Variants in HIVEP3 observed in about 807,000 individuals in gnomAD.
The protein encoded by HIVEP3 is HIVEP zinc finger 3.
A neutral mutation model predicts 152.8 loss-of-function variants in HIVEP3; 49 were observed. That is an observed-to-expected ratio of 0.32 (90% CI 0.26 to 0.41). The LOEUF (loss-of-function observed/expected upper bound fraction) is 0.41, where lower values mean the gene tolerates loss of function less well. HIVEP3 is among the 10% of genes least tolerant of loss of function. The pLI is 1.00. For synonymous variants in HIVEP3, 1,269 were observed against 1,289.0 expected (o/e 0.98, Z 0.33); for missense variants, 2,790 against 3,103.3 (o/e 0.90, Z 2.40).
intron 2 of HIVEP3, among the ~76,000 whole-genome samples, chr1:41,663,151 G>A (rs1463417302): frequency 6.6e-6 from 1 of 152,248 alleles, no homozygotes; most frequent in Non-Finnish European, 1.5e-5. Flanking sequence ...AGGTCTGCGG[G>A]AAGGCCAGGA....
chr1:41,684,139 G>A (rs553174021), intron 2 of HIVEP3, among the ~76,000 whole-genome samples: 1 of 152,340 alleles, frequency 6.6e-6, no homozygotes, highest in South Asian at 2.1e-4. Flanking sequence ...GGTCATGAGG[G>A]GAGGTGGGGA....
intron 1 of HIVEP3, among the ~76,000 whole-genome samples, chr1:41,701,482 G>A (rs1296909150): frequency 6.6e-6 from 1 of 152,224 alleles, no homozygotes; most frequent in East Asian, 1.9e-4. Flanking sequence ...TAAGAAAGGC[G>A]TGTGTAGACC....
intron 5 of HIVEP3, among the ~76,000 whole-genome samples, chr1:41,529,872 C>CACTCCCACTGATGCAT (rs1351411212): frequency 1.4e-5 from 2 of 144,488 alleles, no homozygotes; most frequent in African/African-American, 5.2e-5. Flanking sequence ...TACATCCTCA[C>CACTCCCACTGATGCAT]ACTCCCACTG....
At chr1:41,984,009 T>C (rs552194205) in intron 1 of HIVEP3, among the ~76,000 whole-genome samples, 1 of 152,358 alleles carries the variant, frequency 6.6e-6, no homozygotes, top group South Asian at 2.1e-4. Flanking sequence ...TTTCGCTCTG[T>C]TGCCTAGGCT....
In HIVEP3 at chr1:41,961,185, G is replaced by C. The variant is rs1252930489; in HGVS notation, n.120-42661C>G. Among the ~76,000 whole-genome samples the C allele has an allele frequency of 2.0e-5, 3 of 152,162 alleles. No individual in the cohort carries two copies. The East Asian group carries it at 5.8e-4, about 29-fold the overall frequency. On this transcript the variant is annotated intron_variant and non_coding_transcript_variant, in intron 1 of 3. Coordinates refer to the HIVEP3 transcript ENST00000489103. ...GTGGAAGCTCAAATGAGTTCATGCG[G>C]GGTCCACATGAAAAAGCTGAGAGAT... is the stretch of plus-strand genomic sequence containing the variant.
intron 5 of HIVEP3, among the ~76,000 whole-genome samples, chr1:41,536,984 A>G (rs1231689862): frequency 6.6e-6 from 1 of 152,222 alleles, no homozygotes; most frequent in African/African-American, 2.4e-5. Context: ...ACACTGTGTA[A>G]GTCAAATAAA....
At chr1:41,911,539 T>C (rs1644796146) in intron 1 of HIVEP3, among the ~76,000 whole-genome samples, 1 of 152,194 alleles carries the variant, frequency 6.6e-6, no homozygotes, top group African/African-American at 2.4e-5. Context: ...ATTTTATTAC[T>C]ATGTGTATTC....
chr1:41,810,105 C>T (rs928010736), intron 1 of HIVEP3, among the ~76,000 whole-genome samples: 10 of 152,146 alleles, frequency 6.6e-5, no homozygotes, highest in Non-Finnish European at 1.3e-4. Context: ...ACAAACATTT[C>T]AAAGTCAGGC....
At chr1:41,902,949 C>A (rs1644650632) in intron 1 of HIVEP3, among the ~76,000 whole-genome samples, 1 of 152,050 alleles carries the variant, frequency 6.6e-6, no homozygotes, top group Non-Finnish European at 1.5e-5. Flanking sequence ...GAATGTGACA[C>A]AACAATTAAG....
At chr1:41,516,648 C>A (rs1034995387) in intron 7 of HIVEP3, among the ~76,000 whole-genome samples, 1 of 152,226 alleles carries the variant, frequency 6.6e-6, no homozygotes, top group Non-Finnish European at 1.5e-5. Flanking sequence ...CCAGGGCACC[C>A]CCCCATGCCC....
chr1:41,598,402 C>T (rs1644697841), intron 3 of HIVEP3, among the ~76,000 whole-genome samples: 1 of 152,094 alleles, frequency 6.6e-6, no homozygotes, highest in Admixed American at 6.5e-5. Flanking sequence ...ATAGAATACA[C>T]AATAATATAT....
intron 1 of HIVEP3, among the ~76,000 whole-genome samples, chr1:41,732,557 G>A (rs569195324): frequency 2.6e-5 from 4 of 152,014 alleles, no homozygotes; most frequent in African/African-American, 9.7e-5. Context: ...GCCTTGGGGT[G>A]GGGGGTGACA....
intron 1 of HIVEP3, among the ~76,000 whole-genome samples, chr1:41,915,910 A>T (rs907728050): frequency 7.9e-5 from 12 of 152,174 alleles, no homozygotes; most frequent in African/African-American, 2.9e-4. Context: ...TTGTAAATAC[A>T]CTTTGACTCC....
At chr1:41,827,533 A>C (rs567886792) in intron 1 of HIVEP3, among the ~76,000 whole-genome samples, 1 of 152,306 alleles carries the variant, frequency 6.6e-6, no homozygotes, top group South Asian at 2.1e-4. Context: ...GGCTGGGGAC[A>C]GTGAGGAATG....
intron 1 of HIVEP3, among the ~76,000 whole-genome samples, chr1:41,773,890 G>C (rs1015348504): frequency 6.6e-6 from 1 of 152,228 alleles, no homozygotes; most frequent in African/African-American, 2.4e-5. Context: ...ATTAGAACAT[G>C]TCACAGATGA....
chr1:41,989,949 A>C (rs1645349715), intron 1 of HIVEP3, among the ~76,000 whole-genome samples: 1 of 117,304 alleles, frequency 8.5e-6, no homozygotes. Flanking sequence ...TTATGTGTGA[A>C]TTTGATCCTG....
chr1:41,682,266 G>A (rs563137791), intron 2 of HIVEP3, among the ~76,000 whole-genome samples: 1 of 152,166 alleles, frequency 6.6e-6, no homozygotes, highest in Non-Finnish European at 1.5e-5. Context: ...TCTTCTCTGA[G>A]CACCTCCACA....
intron 1 of HIVEP3, among the ~76,000 whole-genome samples, chr1:41,711,702 G>T (rs1646515827): frequency 6.6e-6 from 1 of 152,154 alleles, no homozygotes; most frequent in Non-Finnish European, 1.5e-5. Context: ...CTACCCCTTG[G>T]AGCTGGCTGT....
intron 5 of HIVEP3, among the ~76,000 whole-genome samples, chr1:41,529,390 CCA>C (rs1383352336): frequency 7.0e-6 from 1 of 143,830 alleles, no homozygotes; most frequent in African/African-American, 2.6e-5. Flanking sequence ...TGCTCACCCT[CCA>C]CACACATGCT....
Sources: gnomAD v4.1 joint callset for allele counts (sites outside exome capture counted in the v4.1 genomes callset) on GRCh38, gnomAD v4.1.1 for gene constraint, MANE v1.5 for transcripts, NCBI Gene and HGNC (gene_info 2026-07-23, HGNC 2026-07-21) for gene names.